SLC24A4: variants seen among roughly 807,000 people sequenced by gnomAD.
SLC24A4 encodes the protein sodium/potassium/calcium exchanger 4.
SLC24A4 carries 53 observed loss-of-function variants against 79.0 expected under a neutral mutation model. The observed-to-expected ratio is 0.67, with a 90% CI of 0.54 to 0.84. SLC24A4 has a LOEUF of 0.84. Ranked by LOEUF, SLC24A4 falls within the 40% of genes least tolerant of loss-of-function variation. SLC24A4 has a pLI of 0.00. For synonymous variants in SLC24A4, 323 were observed against 323.8 expected (o/e 1.00, Z 0.03); for missense variants, 731 against 822.0 (o/e 0.89, Z 1.35).
At chr14:92,475,541 T>C (rs1894714634) in intron 12 of SLC24A4, among the ~76,000 whole-genome samples, 1 of 152,152 alleles carries the variant, frequency 6.6e-6, no homozygotes, top group African/African-American at 2.4e-5. Flanking sequence ...AAGGGAGAGA[T>C]CACCATGGGC....
intron 2 of SLC24A4, among the ~76,000 whole-genome samples, chr14:92,393,564 TTTA>T (rs1889606890): frequency 7.1e-6 from 1 of 140,224 alleles, no homozygotes; most frequent in African/African-American, 3.0e-5. Context: ...TTTTTTTTTT[TTTA>T]CGGAGTCTCG....
rs1896107204 is a variant in SLC24A4, at chr14:92,500,193, A to G, written c.*6565A>G. 6.6e-6 allele frequency: 1 copy of G among 152,212 alleles called. No homozygotes were observed. Among genetic ancestry groups the G allele is most frequent in the Non-Finnish European group, 1.5e-5 (1 of 68,038 alleles). The allele number at this position is 152,212 out of a possible 1,614,324, so 9.4% of individuals were successfully genotyped here. Reference sequence around the variant, plus strand: ...TGGGACTTGTCCACGGGCCAGGCCAATAAAATTCTTAATCCTGCAGAGAGT... The same window carrying G: ...TGGGACTTGTCCACGGGCCAGGCCAGTAAAATTCTTAATCCTGCAGAGAGT... On this transcript the variant is annotated 3_prime_UTR_variant, in exon 17 of 17. Transcript: ENST00000532405.
chr14:92,459,987 C>T (rs1024514601), intron 12 of SLC24A4, among the ~76,000 whole-genome samples: 1 of 152,088 alleles, frequency 6.6e-6, no homozygotes, highest in Non-Finnish European at 1.5e-5. Flanking sequence ...TTTTCCAAAG[C>T]TGGGGCGCTG....
chr14:92,395,432 A>AACACACACACACAC (rs60360408), intron 2 of SLC24A4, among the ~76,000 whole-genome samples: 158 of 144,916 alleles, frequency 1.1e-3, no homozygotes, highest in Middle Eastern at 6.9e-3. Flanking sequence ...AACAAAACAA[A>AACACACACACACAC]ACACACACAC....
chr14:92,469,768 A>G (rs1240800309), intron 12 of SLC24A4, among the ~76,000 whole-genome samples: 1 of 152,224 alleles, frequency 6.6e-6, no homozygotes, highest in African/African-American at 2.4e-5. Context: ...ATGCTACAAT[A>G]TGGATGAGCC....
At chr14:92,487,619 G>A (rs796927768) in intron 14 of SLC24A4, among the ~76,000 whole-genome samples, 3 of 152,286 alleles carry the variant, frequency 2.0e-5, no homozygotes, top group African/African-American at 7.2e-5. Flanking sequence ...CCCTGACAGC[G>A]AATGGGGACA....
intron 2 of SLC24A4, among the ~76,000 whole-genome samples, chr14:92,407,113 T>C (rs987078480): frequency 2.6e-5 from 4 of 152,192 alleles, no homozygotes; most frequent in African/African-American, 9.7e-5. Flanking sequence ...AAATCATCTA[T>C]CTCAAGTTCA....
At chr14:92,489,585 C>T (rs1046672501) in intron 14 of SLC24A4, among the ~76,000 whole-genome samples, 11 of 152,066 alleles carry the variant, frequency 7.2e-5, no homozygotes, top group African/African-American at 2.4e-4. Flanking sequence ...TGGTCCTAGC[C>T]CCGAGCATCG....
In SLC24A4 at chr14:92,435,409, G is replaced by A. The variant is rs369971771; in HGVS notation, c.318+1421G>A. ...TCTATTTTTTCACTTCAGAGGCAGA[G>A]CTGAGTCCATGCATCAGAGACTGCC... is the stretch of plus-strand genomic sequence containing the variant. On this transcript the variant is annotated intron_variant, in intron 3 of 16. Coordinates refer to ENST00000532405, the MANE Select transcript of SLC24A4 (RefSeq NM_153646.4). Among the ~76,000 whole-genome samples the A allele has an allele frequency of 4.6e-5, 7 of 152,354 alleles. No individual in the cohort carries two copies. The South Asian group carries it at 6.2e-4, about 14-fold the overall frequency.
intron 2 of SLC24A4, among the ~76,000 whole-genome samples, chr14:92,351,723 G>C (rs554298286): frequency 6.6e-6 from 1 of 152,192 alleles, no homozygotes; most frequent in Middle Eastern, 3.4e-3. Context: ...AATTACCCAG[G>C]TGTGATGGCG....
chr14:92,415,079 T>C (rs1445634095), intron 2 of SLC24A4, among the ~76,000 whole-genome samples: 1 of 152,190 alleles, frequency 6.6e-6, no homozygotes, highest in Non-Finnish European at 1.5e-5. Flanking sequence ...GTTCACCTCG[T>C]GCTGGCAGGT....
rs1346355222 is a variant in SLC24A4 at position 92,441,437 on chromosome 14, C to G, written c.394-652C>G. On this transcript the variant is annotated intron_variant, in intron 4 of 16. Transcript: ENST00000532405. The surrounding 1 kb of genome is among the most constrained non-coding windows in gnomAD (Gnocchi z 4.6). ...AACCCTGGAACCAGTACCTCTGGGT[C>G]TTTGTGAGCCACTGGATGTCAGGCC... Among the ~76,000 whole-genome samples the G allele has an allele frequency of 2.0e-5, 3 of 152,218 alleles. No individual in the cohort carries two copies.
intron 10 of SLC24A4, chr14:92,452,142 G>A (rs541356475): frequency 6.6e-6 from 1 of 152,308 alleles, no homozygotes; most frequent in African/African-American, 2.4e-5. Context: ...GGAAGGAAGT[G>A]GGGGTGCAGG....
chr14:92,414,512 G>T (rs1890878758), intron 2 of SLC24A4, among the ~76,000 whole-genome samples: 1 of 152,354 alleles, frequency 6.6e-6, no homozygotes, highest in African/African-American at 2.4e-5. Flanking sequence ...AAAGTGGGAG[G>T]ATCCGTTAAG....
chr14:92,407,145 T>G (rs1445482030), intron 2 of SLC24A4, among the ~76,000 whole-genome samples: 1 of 152,062 alleles, frequency 6.6e-6, no homozygotes, highest in Non-Finnish European at 1.5e-5. Flanking sequence ...ATCCCTAGAG[T>G]AAGGGCAAAA....
intron 10 of SLC24A4, 61 bp downstream of exon 10, chr14:92,449,277 T>G (rs1421364072): frequency 1.2e-5 from 18 of 1,482,852 alleles, no homozygotes; most frequent in Non-Finnish European, 1.6e-5. Context: ...TCTCCTCTTT[T>G]GTGTACACAC....
At chr14:92,416,616 C>G (rs934798271) in intron 2 of SLC24A4, among the ~76,000 whole-genome samples, 1 of 152,222 alleles carries the variant, frequency 6.6e-6, no homozygotes, top group African/African-American at 2.4e-5. Flanking sequence ...TCAGTGAACT[C>G]ATCTGGCTCA....
At chr14:92,380,128 C>T (rs535224924) in intron 2 of SLC24A4, among the ~76,000 whole-genome samples, 22 of 152,346 alleles carry the variant, frequency 1.4e-4, no homozygotes, top group Admixed American at 4.6e-4. Context: ...GAGGACATGG[C>T]GCTCGAAGCA....
intron 13 of SLC24A4, 76 bp downstream of exon 13, chr14:92,482,922 A>G: frequency 6.9e-7 from 1 of 1,449,232 alleles, no homozygotes; most frequent in South Asian, 1.3e-5. Context: ...GGCTAACCAC[A>G]GGTACTGCTG....
Sources: gnomAD v4.1 joint callset for allele counts (sites outside exome capture counted in the v4.1 genomes callset) on GRCh38, gnomAD v4.1.1 for gene constraint, Gnocchi (gnomAD v3.1) non-coding constraint, MANE v1.5 for transcripts, NCBI Gene and HGNC (gene_info 2026-07-23, HGNC 2026-07-21) for gene names.